The following CDH13 variants were observed in gnomAD, a reference collection of about 807,000 sequenced individuals.
The protein encoded by CDH13 is cadherin-13.
CDH13 carries 24 observed loss-of-function variants against 63.8 expected under a neutral mutation model. The ratio of observed to expected loss-of-function variants is 0.38; its 90% CI spans 0.27 to 0.53. The LOEUF (loss-of-function observed/expected upper bound fraction) is 0.53, where lower values mean the gene tolerates loss of function less well. CDH13 is among the 20% of genes least tolerant of loss of function. CDH13 has a pLI of 0.85. For synonymous variants in CDH13, 503 were observed against 355.3 expected (o/e 1.42, Z -4.67); for missense variants, 1,049 against 903.1 (o/e 1.16, Z -2.07).
intron 1 of CDH13, among the ~76,000 whole-genome samples, chr16:82,815,045 C>A (rs571056868): frequency 6.6e-4 from 101 of 152,054 alleles, no homozygotes; most frequent in Non-Finnish European, 1.3e-3. Flanking sequence ...GCCCAGAGAG[C>A]TTATTTAATA....
In CDH13 at chr16:82,997,100, G is replaced by A. The variant is rs573775548; in HGVS notation, c.158-34910G>A. Reference sequence around the variant, plus strand: ...TGGTAATGACGGTGGTGATGATGGTGATGGTAGTGGTGGTGATGCTGATGG... The same window carrying A: ...TGGTAATGACGGTGGTGATGATGGTAATGGTAGTGGTGGTGATGCTGATGG... On this transcript the variant is annotated intron_variant, in intron 2 of 13. Coordinates refer to ENST00000567109, the MANE Select transcript of CDH13 (RefSeq NM_001257.5). Among the ~76,000 whole-genome samples, 75 of 151,474 alleles carry A rather than the reference G, an allele frequency of 5.0e-4. 1 individual carries two copies. In the South Asian group the frequency reaches 9.1e-3, roughly 18 times the overall value.
At chr16:82,923,709 A>T (rs1170243089) in intron 2 of CDH13, among the ~76,000 whole-genome samples, 2 of 152,248 alleles carry the variant, frequency 1.3e-5, no homozygotes, top group African/African-American at 4.8e-5. Context: ...AACACAGCTG[A>T]TACATGCAGT....
At chr16:83,396,571 G>A (rs2091889790) in intron 6 of CDH13, 1 of 152,052 alleles carries the variant, frequency 6.6e-6, no homozygotes, top group African/African-American at 2.4e-5. Flanking sequence ...TGTCCCTGAA[G>A]GGTTAAGCTC....
chr16:83,345,437 C>T (rs2090819724), intron 6 of CDH13, among the ~76,000 whole-genome samples: 1 of 152,204 alleles, frequency 6.6e-6, no homozygotes, highest in Admixed American at 6.5e-5. Context: ...ATAGGTAGGA[C>T]TTCTTCCCTT....
intron 1 of CDH13, among the ~76,000 whole-genome samples, chr16:82,667,838 T>C (rs1597267158): frequency 6.6e-6 from 1 of 152,188 alleles, no homozygotes; most frequent in Non-Finnish European, 1.5e-5. Context: ...TTCATGGCTG[T>C]GCTGTTAGGG....
chr16:83,361,728 G>A (rs113325479), intron 6 of CDH13, among the ~76,000 whole-genome samples: 200 of 152,230 alleles, frequency 1.3e-3, no homozygotes, highest in African/African-American at 4.6e-3. Flanking sequence ...TGGAAGAGCA[G>A]ATGCCTATAG....
At chr16:83,350,281 C>T (rs931731212) in intron 6 of CDH13, among the ~76,000 whole-genome samples, 11 of 152,222 alleles carry the variant, frequency 7.2e-5, no homozygotes, top group Admixed American at 6.5e-5. Context: ...CAGCCCCCCA[C>T]CCTGGACGGG....
At chr16:82,697,333 G>T (rs1204802746) in intron 1 of CDH13, among the ~76,000 whole-genome samples, 2 of 150,316 alleles carry the variant, frequency 1.3e-5, no homozygotes, top group Non-Finnish European at 3.0e-5. Flanking sequence ...TCCATCTGAA[G>T]AGAACAAGAT....
At chr16:83,779,677 T>G (rs1362788752) in intron 11 of CDH13, among the ~76,000 whole-genome samples, 1 of 151,794 alleles carries the variant, frequency 6.6e-6, no homozygotes, top group Non-Finnish European at 1.5e-5. Flanking sequence ...ACAAAAATTA[T>G]CCTCTTAGAT....
At chr16:82,653,173 G>C (rs1298102380) in intron 1 of CDH13, among the ~76,000 whole-genome samples, 4 of 152,136 alleles carry the variant, frequency 2.6e-5, no homozygotes, top group African/African-American at 9.7e-5. Context: ...CCAAGTGTCT[G>C]TGAAGAAGAC....
At chr16:83,077,885 T>G (rs1321836164) in intron 3 of CDH13, among the ~76,000 whole-genome samples, 3 of 152,208 alleles carry the variant, frequency 2.0e-5, no homozygotes, top group Non-Finnish European at 2.9e-5. Context: ...TCTTTTTAAT[T>G]TTAGCGATTC....
At chr16:83,181,487 G>A (rs1017814339) in intron 4 of CDH13, among the ~76,000 whole-genome samples, 11 of 152,206 alleles carry the variant, frequency 7.2e-5, no homozygotes, top group Admixed American at 6.5e-4. Context: ...ATCTTGGGCT[G>A]TAGTACTTGA....
At chr16:83,181,022 A>C in intron 4 of CDH13, 1 of 1,516,184 alleles carries the variant, frequency 6.6e-7, no homozygotes, top group Non-Finnish European at 8.8e-7. Context: ...TTTACTTCCC[A>C]CTAGCACTCG....
At chr16:82,628,091 C>T (rs1907567465) in intron 1 of CDH13, among the ~76,000 whole-genome samples, 2 of 152,224 alleles carry the variant, frequency 1.3e-5, no homozygotes, top group South Asian at 2.1e-4. Context: ...AGGAAAGCAG[C>T]GCTCCGAGGC....
chr16:82,831,868 A>G (rs182169420), intron 1 of CDH13, among the ~76,000 whole-genome samples: 1 of 152,308 alleles, frequency 6.6e-6, no homozygotes. Flanking sequence ...CCAGGAAACA[A>G]CCATATCTAG....
At position 82,659,860 on chromosome 16, in the gene CDH13, A is replaced by C. The variant is rs527304505; in HGVS notation, c.45+32723A>C. Among the ~76,000 whole-genome samples, 3 of 152,248 alleles carry C rather than the reference A, an allele frequency of 2.0e-5. No homozygotes were observed. In the East Asian group the frequency reaches 5.8e-4, roughly 30 times the overall value. ...CCAGAAGCATCCCTGGCCTCTACCCACTAGAGGCCATTGGAAGCCCCATCC... is the reference window on the plus strand; with the variant it reads ...CCAGAAGCATCCCTGGCCTCTACCCCCTAGAGGCCATTGGAAGCCCCATCC... On this transcript the variant is annotated intron_variant, in intron 1 of 13. Transcript: ENST00000567109.
At chr16:83,070,702 A>C (rs8063680) in intron 3 of CDH13, among the ~76,000 whole-genome samples, 14,855 of 152,236 alleles carry the variant, frequency 0.098, 869 homozygotes, top group East Asian at 0.18. Flanking sequence ...CATTGAAGGG[A>C]ATGACTGAAC....
At chr16:83,021,550 G>T (rs147023706) in intron 2 of CDH13, among the ~76,000 whole-genome samples, 1 of 152,342 alleles carries the variant, frequency 6.6e-6, no homozygotes, top group East Asian at 1.9e-4. Flanking sequence ...CCAAGAGGAA[G>T]CCCTTAAGGG....
At chr16:83,497,578 G>A (rs1324239690) in intron 7 of CDH13, among the ~76,000 whole-genome samples, 2 of 151,992 alleles carry the variant, frequency 1.3e-5, no homozygotes, top group East Asian at 3.9e-4. Flanking sequence ...GAGTTGGTGG[G>A]TGCAGCGCAC....
Sources: gnomAD v4.1 joint callset for allele counts (sites outside exome capture counted in the v4.1 genomes callset) on GRCh38, gnomAD v4.1.1 for gene constraint, MANE v1.5 for transcripts, NCBI Gene and HGNC (gene_info 2026-07-23, HGNC 2026-07-21) for gene names.